PPP1R12A: variants seen among roughly 807,000 people sequenced by gnomAD.
PPP1R12A encodes myosin binding subunit.
A neutral mutation model predicts 139.6 loss-of-function variants in PPP1R12A; 19 were observed. The observed-to-expected ratio is 0.14, with a 90% confidence interval of 0.09 to 0.20. The LOEUF (loss-of-function observed/expected upper bound fraction) is 0.20, where lower values mean the gene tolerates loss of function less well. Ranked by LOEUF, PPP1R12A falls within the 10% of genes least tolerant of loss-of-function variation. The pLI, the probability that PPP1R12A is intolerant of heterozygous loss-of-function variation, is 1.00. For missense variants in PPP1R12A, 925 were observed against 1,211.5 expected, an observed-to-expected ratio of 0.76 and a Z score of 3.51; for synonymous variants, 427 against 420.6, an observed-to-expected ratio of 1.02 and a Z score of -0.19.
At chr12:79,935,228 A>G (rs980228530), upstream of PPP1R12A, 59 of 1,251,990 alleles carry the variant, frequency 4.7e-5, no homozygotes, top group Non-Finnish European at 5.8e-5. Flanking sequence ...GCGCCCTTCG[A>G]CCAGTGCGCA....
chr12:79,849,057 G>C (rs1211114470), intron 2 of PPP1R12A: 1 of 151,918 alleles, frequency 6.6e-6, no homozygotes, highest in Non-Finnish European at 1.5e-5. Context: ...TGGGCAATGT[G>C]GTTTAAATGA....
chr12:79,825,065 G>A (rs1312213447), intron 5 of PPP1R12A: 2 of 152,080 alleles, frequency 1.3e-5, no homozygotes, highest in Non-Finnish European at 2.9e-5. Flanking sequence ...CTGTACAGAT[G>A]AAGAAACTCA....
Position 79,826,199 on chromosome 12 carries a change from C to T in PPP1R12A, c.792+2121G>A, listed in dbSNP as rs1009107074. Among the ~76,000 whole-genome samples, 6 of 152,080 alleles carry T rather than the reference C, an allele frequency of 3.9e-5. No individual in the cohort carries two copies. The East Asian group carries it at 9.6e-4, about 24-fold the overall frequency. On this transcript the variant is annotated intron_variant, in intron 5 of 24. Transcript: ENST00000450142. ...AATTTCAGGGTTTTAGGAAAATATA[C>T]TTGACTTCTCTGATCATGTTCCTGA... is the stretch of plus-strand genomic sequence containing the variant.
intron 1 of PPP1R12A, among the ~76,000 whole-genome samples, chr12:79,887,796 C>T (rs759890880): frequency 4.6e-5 from 7 of 152,152 alleles, no homozygotes; most frequent in Non-Finnish European, 1.0e-4. Flanking sequence ...AAAGAATACT[C>T]ATAATATGAC....
At position 79,797,297 on chromosome 12, in the gene PPP1R12A, C is replaced by G; in HGVS notation, c.2190G>C (p.Glu730Asp). The change falls in exon 16 of 25, where the codon GAG becomes GAC. Residue 730 changes from glutamate (E) to aspartate (D), a missense_variant. Physicochemically the swap from Glu to Asp is conservative, Grantham distance 45. Around this residue, in one of 4 missense-constraint regions of PPP1R12A, gnomAD observed 315 missense variants for 363.4 expected, o/e 0.87. Transcript: ENST00000450142. ...REQENEEKEK[E>D]EKEKQDKEKQ... ...TCTCTTTATCTTGTTTCTCTTTTTC[C>G]TCTTTTTCTTTTTCTTCATTTTCTT... 6.3e-7 allele frequency: 1 copy of G among 1,590,718 alleles called. No homozygotes were observed. Among genetic ancestry groups the G allele is most frequent in the Non-Finnish European group, 8.6e-7 (1 of 1,167,058 alleles).
chr12:79,782,024 A>T (rs1029089173), intron 22 of PPP1R12A, 162 bp from the exon 23 acceptor site: 18 of 425,818 alleles, frequency 4.2e-5, no homozygotes, highest in African/African-American at 3.1e-4. Context: ...TTAAAATAAT[A>T]AAGAGTGCAA....
rs529990107 is a variant in PPP1R12A, at chr12:79,818,979, T to C, written c.1115-1461A>G. 4 of 152,314 alleles carry C rather than the reference T, an allele frequency of 2.6e-5. No individual in the cohort carries two copies. The South Asian group carries it at 8.3e-4, about 32-fold the overall frequency. 9.4% of individuals were successfully genotyped at this position (152,314 alleles called of 1,614,324 possible). On this transcript the variant is annotated intron_variant, in intron 8 of 24. Transcript: ENST00000450142. ...AAAGTATGATAAAGCCTAGCTGATA[T>C]TAAGAGAGTGAGAGGAAAGGAACCA...
intron 1 of PPP1R12A, among the ~76,000 whole-genome samples, chr12:79,910,255 G>A (rs1886458289): frequency 6.6e-6 from 1 of 151,986 alleles, no homozygotes; most frequent in Non-Finnish European, 1.5e-5. Context: ...TGAGGTGGGA[G>A]GATCACCTGA....
At chr12:79,815,154 T>C (rs1421956375) in intron 9 of PPP1R12A, among the ~76,000 whole-genome samples, 1 of 152,008 alleles carries the variant, frequency 6.6e-6, no homozygotes, top group Non-Finnish European at 1.5e-5. Flanking sequence ...TGGCTATATG[T>C]GAGAAAAAGA....
At chr12:79,862,877 A>G (rs1881502468) in intron 2 of PPP1R12A, among the ~76,000 whole-genome samples, 2 of 152,236 alleles carry the variant, frequency 1.3e-5, no homozygotes, top group African/African-American at 4.8e-5. Context: ...GAATGGAACC[A>G]AGTTGGAAAA....
intron 1 of PPP1R12A, among the ~76,000 whole-genome samples, chr12:79,884,883 A>C (rs1426276311): frequency 6.6e-6 from 1 of 152,320 alleles, no homozygotes; most frequent in East Asian, 1.9e-4. Flanking sequence ...ACATGTTCAT[A>C]AGGAAAAAAT....
intron 1 of PPP1R12A, among the ~76,000 whole-genome samples, chr12:79,924,880 A>G (rs1008017121): frequency 6.6e-6 from 1 of 152,264 alleles, no homozygotes; most frequent in Non-Finnish European, 1.5e-5. Flanking sequence ...CACACAACGT[A>G]AAGAGTTAAC....
chr12:79,783,244 G>A (rs2136978682), intron 22 of PPP1R12A, among the ~76,000 whole-genome samples: 1 of 144,756 alleles, frequency 6.9e-6, no homozygotes, highest in African/African-American at 2.6e-5. Context: ...GATCACTTGA[G>A]CCCAGGAGTT....
intron 2 of PPP1R12A, among the ~76,000 whole-genome samples, chr12:79,864,407 C>A (rs1357101538): frequency 1.3e-5 from 2 of 152,010 alleles, no homozygotes; most frequent in Non-Finnish European, 2.9e-5. Context: ...AAAACTGACA[C>A]CCTAATATCA....
chr12:79,812,439 CTGTG>C lies in PPP1R12A; in HGVS notation c.1240-2433_1240-2430del, dbSNP rs957544865. On this transcript the variant is annotated intron_variant, in intron 9 of 24. Coordinates refer to ENST00000450142, the MANE Select transcript of PPP1R12A (RefSeq NM_002480.3). Reference sequence around the variant, plus strand: ...GTGTGTGTAACGTTCCTTATACAGGCTGTGTGTGTTTGTGTGTGTGTGTGTGTAC... The same window carrying C: ...GTGTGTGTAACGTTCCTTATACAGGCTGTGTTTGTGTGTGTGTGTGTGTAC... Among the ~76,000 whole-genome samples the C allele has an allele frequency of 1.5e-4, 19 of 122,640 alleles. No individual in the cohort carries two copies. The East Asian group carries it at 1.8e-3, about 11-fold the overall frequency. The allele number at this position is 122,640 out of a possible 152,430, so 80.5% of individuals were successfully genotyped here.
At chr12:79,911,361 T>C (rs534821222) in intron 1 of PPP1R12A, among the ~76,000 whole-genome samples, 12 of 152,046 alleles carry the variant, frequency 7.9e-5, no homozygotes, top group Non-Finnish European at 1.6e-4. Flanking sequence ...GCAAACCAAA[T>C]ACTGCATGTT....
At chr12:79,931,397 G>T (rs1056595962) in intron 1 of PPP1R12A, among the ~76,000 whole-genome samples, 2 of 151,860 alleles carry the variant, frequency 1.3e-5, no homozygotes, top group South Asian at 4.2e-4. Flanking sequence ...ATGAGGCTTG[G>T]AGCTTTGCAG....
At chr12:79,882,336 G>A (rs571973283) in intron 1 of PPP1R12A, among the ~76,000 whole-genome samples, 1 of 152,256 alleles carries the variant, frequency 6.6e-6, no homozygotes, top group South Asian at 2.1e-4. Context: ...ACATTAATGG[G>A]AGTTTGAAAG....
intron 1 of PPP1R12A, among the ~76,000 whole-genome samples, chr12:79,901,580 A>T (rs560980792): frequency 1.8e-4 from 27 of 152,196 alleles, no homozygotes; most frequent in Non-Finnish European, 3.4e-4. Context: ...CACAATAATC[A>T]TAACAGCTAT....
Sources: allele counts gnomAD v4.1 joint callset (sites outside exome capture counted in the v4.1 genomes callset), GRCh38; gene constraint gnomAD v4.1.1; regional missense constraint gnomAD v4.1.1; transcripts MANE v1.5; gene names NCBI Gene and HGNC (gene_info 2026-07-23, HGNC 2026-07-21).